The following FAR2 variants were observed in gnomAD, a reference collection of about 807,000 sequenced individuals.
FAR2 encodes the protein fatty acyl-CoA reductase 2.
Under a neutral mutation model 56.0 loss-of-function variants are expected in FAR2, and 19 were observed. That is an observed-to-expected ratio of 0.34 (90% CI 0.24 to 0.50). The LOEUF is 0.50. FAR2 is among the 20% of genes least tolerant of loss of function. The pLI is 0.98. For missense variants in FAR2, 508 were observed against 642.2 expected (o/e 0.79, Z 2.26); for synonymous variants, 219 against 218.8 (o/e 1.00, Z -0.01).
rs182664521 is a variant in FAR2 at position 29,154,633 on chromosome 12, C to T, written c.-39+5226C>T. On this transcript the variant is annotated intron_variant, in intron 1 of 11. Transcript: ENST00000536681. ...TATTTTTAGTAGAGACGGGGTTTCA[C>T]CGTGTTAGCCAGGATGGTCTCGATC... Among the ~76,000 whole-genome samples, 368 of 152,194 alleles carry T rather than the reference C, an allele frequency of 2.4e-3. 3 individuals are homozygous for T. The highest frequency in any genetic ancestry group is 0.01 in the Middle Eastern group (3 of 292).
Position 29,154,220 on chromosome 12 carries a change from A to G in FAR2, c.-39+4813A>G, listed in dbSNP as rs539537681. On this transcript the variant is annotated intron_variant, in intron 1 of 11. Coordinates refer to ENST00000536681, the MANE Select transcript of FAR2 (RefSeq NM_001271783.2). ...TCCTCTCCGAAATAATTATTCCAAA[A>G]CATAATTTACTCCCCTGCTTAAAAC... 8.3e-4 allele frequency among the ~76,000 whole-genome samples: 127 copies of G among 152,222 alleles called. 1 individual carries two copies. Among genetic ancestry groups the G allele is most frequent in the African/African-American group, 2.9e-3 (120 of 41,492 alleles).
At chr12:29,246,932 T>A (rs944513557) in intron 1 of FAR2, among the ~76,000 whole-genome samples, 1 of 152,122 alleles carries the variant, frequency 6.6e-6, no homozygotes, top group African/African-American at 2.4e-5. Flanking sequence ...CTTTAATTCA[T>A]CATTTGTTCT....
At chr12:29,191,695 G>C (rs1056637697) in intron 1 of FAR2, among the ~76,000 whole-genome samples, 6 of 152,222 alleles carry the variant, frequency 3.9e-5, no homozygotes, top group Non-Finnish European at 8.8e-5. Flanking sequence ...GGAACTGTAA[G>C]TGAAACTTGA....
chr12:29,210,124 A>G (rs549606156), intron 1 of FAR2, among the ~76,000 whole-genome samples: 13 of 152,178 alleles, frequency 8.5e-5, no homozygotes, highest in African/African-American at 2.6e-4. Flanking sequence ...GGGAAGATCA[A>G]TTGAGCCCCG....
intron 1 of FAR2, among the ~76,000 whole-genome samples, chr12:29,211,374 T>A (rs1947545573): frequency 6.6e-6 from 1 of 152,228 alleles, no homozygotes; most frequent in South Asian, 2.1e-4. Flanking sequence ...CCTCCTAGCC[T>A]CTTTCTAAGA....
intron 1 of FAR2, among the ~76,000 whole-genome samples, chr12:29,249,526 C>T (rs1006192736): frequency 2.5e-4 from 38 of 152,066 alleles, no homozygotes; most frequent in Non-Finnish European, 4.6e-4. Context: ...CTCTACATTC[C>T]ACCTCTTCTA....
At chr12:29,149,807 C>CT (rs1240569205) in intron 1 of FAR2, among the ~76,000 whole-genome samples, 1 of 152,206 alleles carries the variant, frequency 6.6e-6, no homozygotes, top group Admixed American at 6.5e-5. Context: ...CTCCTGGGCC[C>CT]TTGGGGCTAT....
chr12:29,212,518 T>C (rs1947562862), intron 1 of FAR2, among the ~76,000 whole-genome samples: 2 of 152,202 alleles, frequency 1.3e-5, no homozygotes, highest in Non-Finnish European at 2.9e-5. Context: ...TCCTATCATT[T>C]GGCATAATTA....
chr12:29,298,274 C>A (rs1352587083), intron 4 of FAR2, among the ~76,000 whole-genome samples: 1 of 142,910 alleles, frequency 7.0e-6, no homozygotes, highest in African/African-American at 2.7e-5. Flanking sequence ...TCTTCTGCTC[C>A]ATTTTACTAA....
chr12:29,243,947 A>G (rs754713416), intron 1 of FAR2, among the ~76,000 whole-genome samples: 8 of 152,210 alleles, frequency 5.3e-5, no homozygotes, highest in Non-Finnish European at 1.0e-4. Flanking sequence ...CGTTCATCAT[A>G]GTATCCCCAG....
At chr12:29,177,317 G>A (rs1326468942) in intron 1 of FAR2, among the ~76,000 whole-genome samples, 1 of 152,098 alleles carries the variant, frequency 6.6e-6, no homozygotes, top group Non-Finnish European at 1.5e-5. Context: ...TCCAAATAAT[G>A]TACAGGGCAA....
chr12:29,178,070 G>A (rs1022947819), intron 1 of FAR2, among the ~76,000 whole-genome samples: 1 of 152,016 alleles, frequency 6.6e-6, no homozygotes, highest in African/African-American at 2.4e-5. Flanking sequence ...CACACTCCTG[G>A]TCTGCTACAT....
rs558176960 is a variant in FAR2, at chr12:29,302,542, G to A, written c.546-5116G>A. On this transcript the variant is annotated intron_variant, in intron 4 of 11. Transcript: ENST00000536681. ...CGCATGTGTTACGTGTAGGGAAGAA[G>A]TTAGAGATCAAGCTGGAGGGGAGGA... Among the ~76,000 whole-genome samples, 3 of 152,296 alleles carry A rather than the reference G, an allele frequency of 2.0e-5. No homozygotes were observed. In the South Asian group the frequency reaches 6.2e-4, roughly 32 times the overall value.
intron 1 of FAR2, among the ~76,000 whole-genome samples, chr12:29,179,379 C>G (rs1332352799): frequency 1.3e-5 from 2 of 152,134 alleles, no homozygotes; most frequent in Admixed American, 1.3e-4. Context: ...CTAGGTAGTT[C>G]AGAGATTTTA....
intron 11 of FAR2, 60 bp downstream of exon 11, chr12:29,332,787 A>C: frequency 6.8e-7 from 1 of 1,473,506 alleles, no homozygotes; most frequent in Admixed American, 1.9e-5. Flanking sequence ...ACTTTATACC[A>C]GACATAACAT....
intron 2 of FAR2, among the ~76,000 whole-genome samples, chr12:29,276,649 G>A (rs1302211477): frequency 1.3e-5 from 2 of 152,174 alleles, no homozygotes; most frequent in Non-Finnish European, 2.9e-5. Context: ...ATTGGCTGTG[G>A]ATAAAGCTCT....
Position 29,311,586 on chromosome 12 carries a change from T to C in FAR2, c.888-297T>C, listed in dbSNP as rs1004806064. ...AAAATAGGTTGTTCATATATTTGGG[T>C]CTGTTAGTAAATTAAATTTTTCTTA... On this transcript the variant is annotated intron_variant, in intron 7 of 11. Coordinates refer to ENST00000536681, the MANE Select transcript of FAR2 (RefSeq NM_001271783.2). 2.0e-5 allele frequency among the ~76,000 whole-genome samples: 3 copies of C among 151,842 alleles called. No individual in the cohort carries two copies. The East Asian group carries it at 5.8e-4, about 29-fold the overall frequency.
At chr12:29,292,611 G>A (rs1948989774) in intron 2 of FAR2, among the ~76,000 whole-genome samples, 1 of 152,122 alleles carries the variant, frequency 6.6e-6, no homozygotes, top group Admixed American at 6.5e-5. Flanking sequence ...GTAATAAAAA[G>A]TTGATCTCAA....
chr12:29,260,031 G>C (rs993234130), intron 1 of FAR2, among the ~76,000 whole-genome samples: 2 of 152,068 alleles, frequency 1.3e-5, no homozygotes, highest in Non-Finnish European at 2.9e-5. Context: ...TTCTAGAGTT[G>C]CATATGTGCT....
Sources: allele counts gnomAD v4.1 joint callset (sites outside exome capture counted in the v4.1 genomes callset), GRCh38; gene constraint gnomAD v4.1.1; transcripts MANE v1.5; gene names NCBI Gene and HGNC (gene_info 2026-07-23, HGNC 2026-07-21).